The following DIP2C variants were observed in gnomAD, a reference collection of about 807,000 sequenced individuals.
DIP2C encodes DIP2 acetate--CoA ligase C (putative).
In DIP2C, 33 loss-of-function variants were observed where a neutral mutation model predicts 192.4. That is an observed-to-expected ratio of 0.17 (90% CI 0.13 to 0.23). The LOEUF is 0.23. DIP2C is among the 10% of genes least tolerant of loss of function. The probability of loss-of-function intolerance (pLI) is 1.00; values close to 1 mark genes in which losing one functional copy is unlikely to be tolerated. For synonymous variants in DIP2C, 979 were observed against 864.1 expected, an observed-to-expected ratio of 1.13 and a Z score of -2.33; for missense variants, 1,537 against 2,110.1, an observed-to-expected ratio of 0.73 and a Z score of 5.32.
chr10:607,225 G>A (rs1346682664), intron 1 of DIP2C, among the ~76,000 whole-genome samples: 2 of 152,200 alleles, frequency 1.3e-5, no homozygotes, highest in African/African-American at 2.4e-5. Context: ...AGACACCAGT[G>A]AGAACTGACC....
chr10:553,882 AAT>A (rs1848708734), intron 1 of DIP2C, among the ~76,000 whole-genome samples: 1 of 152,158 alleles, frequency 6.6e-6, no homozygotes, highest in African/African-American at 2.4e-5. Context: ...ACAGGCAAGA[AAT>A]ATACCTCATA....
At chr10:341,976 C>G (rs1958169579) in intron 28 of DIP2C, among the ~76,000 whole-genome samples, 3 of 152,218 alleles carry the variant, frequency 2.0e-5, no homozygotes, top group Admixed American at 6.5e-5. Flanking sequence ...ACAACTGTCA[C>G]CAAGCTGGGC....
chr10:543,549 T>C (rs938228466), intron 1 of DIP2C, among the ~76,000 whole-genome samples: 2 of 152,148 alleles, frequency 1.3e-5, no homozygotes, highest in African/African-American at 4.8e-5. Flanking sequence ...GGTTGTTACG[T>C]GAGATAGAAA....
In DIP2C at chr10:583,272, G is replaced by A. The variant is rs192457190; in HGVS notation, c.86-96742C>T. On this transcript the variant is annotated intron_variant, in intron 1 of 36. Coordinates refer to ENST00000280886, the MANE Select transcript of DIP2C (RefSeq NM_014974.3). ...AGCAAACACGGCATATCACTAAAGC[G>A]CAAAGGAGAACGGAGCACCTCTCTT... Among the ~76,000 whole-genome samples, 471 of 152,368 alleles carry A rather than the reference G, an allele frequency of 3.1e-3. 1 individual carries two copies. The highest frequency in any genetic ancestry group is 0.011 in the African/African-American group (451 of 41,576).
intron 3 of DIP2C, among the ~76,000 whole-genome samples, chr10:449,920 CAAAAAAA>C (rs59135780): frequency 0.04 from 5,427 of 135,942 alleles, 194 homozygotes; most frequent in African/African-American, 0.11. Flanking sequence ...TCAACAACAA[CAAAAAAA>C]AAAAAAAAAG....
intron 2 of DIP2C, among the ~76,000 whole-genome samples, chr10:483,075 C>G (rs1354078956): frequency 6.6e-6 from 1 of 152,208 alleles, no homozygotes; most frequent in Non-Finnish European, 1.5e-5. Context: ...ACTGGAGGCC[C>G]CGACAGACGC....
At chr10:567,574 T>C (rs562087569) in intron 1 of DIP2C, among the ~76,000 whole-genome samples, 48 of 152,326 alleles carry the variant, frequency 3.2e-4, no homozygotes, top group African/African-American at 1.1e-3. Flanking sequence ...CATCTGAATA[T>C]TTCTGCCAAA....
At chr10:386,742 C>T (rs1195108794) in intron 14 of DIP2C, among the ~76,000 whole-genome samples, 1 of 152,240 alleles carries the variant, frequency 6.6e-6, no homozygotes, top group African/African-American at 2.4e-5. Context: ...ATGCCCATCA[C>T]TCATGTGACA....
At chr10:634,488 G>A (rs2124585) in intron 1 of DIP2C, among the ~76,000 whole-genome samples, 81,776 of 152,068 alleles carry the variant, frequency 0.54, 23,709 homozygotes, top group East Asian at 0.74. Context: ...AGTTTCTGCC[G>A]TGGCTGATGA....
intron 16 of DIP2C, 124 bp from the exon 17 acceptor site, chr10:382,885 A>T (rs915785645): frequency 7.3e-6 from 4 of 551,128 alleles, no homozygotes; most frequent in Admixed American, 3.7e-5. Flanking sequence ...GCGTGGAAAA[A>T]TATTTAATAC....
intron 3 of DIP2C, among the ~76,000 whole-genome samples, chr10:463,485 G>C (rs1589850947): frequency 6.6e-6 from 1 of 152,148 alleles, no homozygotes; most frequent in Non-Finnish European, 1.5e-5. Context: ...ACTGCTCAAG[G>C]AAAGAAGAGA....
chr10:420,189 A>C (rs1966086681), intron 5 of DIP2C, among the ~76,000 whole-genome samples: 1 of 152,242 alleles, frequency 6.6e-6, no homozygotes, highest in Admixed American at 6.5e-5. Context: ...CCGTGCCCGG[A>C]GGCCGTCTAG....
At chr10:349,957 T>C (rs1020044557) in intron 24 of DIP2C, among the ~76,000 whole-genome samples, 3 of 152,184 alleles carry the variant, frequency 2.0e-5, no homozygotes, top group Non-Finnish European at 4.4e-5. Flanking sequence ...AAAAGAACTA[T>C]CAAACGCATT....
intron 1 of DIP2C, among the ~76,000 whole-genome samples, chr10:530,661 A>C (rs1389281281): frequency 1.3e-5 from 2 of 151,442 alleles, no homozygotes; most frequent in African/African-American, 2.4e-5. Flanking sequence ...CTTAAAAAAA[A>C]AAAAAAAAAA....
intron 14 of DIP2C, 115 bp downstream of exon 14, chr10:387,630 G>C: frequency 1.1e-6 from 1 of 887,542 alleles, no homozygotes; most frequent in East Asian, 2.4e-5. Context: ...AGACAGTGTG[G>C]GGAGGGGACT....
intron 1 of DIP2C, among the ~76,000 whole-genome samples, chr10:527,921 C>G (rs1847151783): frequency 6.6e-6 from 1 of 152,242 alleles, no homozygotes; most frequent in Admixed American, 6.5e-5. Context: ...GCCACGGCTA[C>G]ACTTTACTCC....
At position 314,635 on chromosome 10, in the gene DIP2C, C is replaced by T. The variant is rs61837288; in HGVS notation, c.3925-4543G>A. Among the ~76,000 whole-genome samples, 717 of 152,270 alleles carry T rather than the reference C, an allele frequency of 4.7e-3. 2 individuals carry two copies. Among genetic ancestry groups the T allele is most frequent in the Non-Finnish European group, 7.9e-3 (538 of 68,024 alleles). On this transcript the variant is annotated intron_variant, in intron 31 of 36. Transcript: ENST00000280886. The stretch of plus-strand genomic sequence containing the variant: ...GGCATCAGGACGAGGCTGGGTCTGG[C>T]GATACGAGTCCCTCTGTGCTCGTCT...
At chr10:278,608 T>TGGGC (rs1954649981) in intron 36 of DIP2C, among the ~76,000 whole-genome samples, 1 of 152,228 alleles carries the variant, frequency 6.6e-6, no homozygotes, top group Non-Finnish European at 1.5e-5. Flanking sequence ...GCACTGAGCA[T>TGGGC]GGGCTGGCTG....
intron 7 of DIP2C, among the ~76,000 whole-genome samples, chr10:414,742 C>CGTGTGT (rs1564679999): frequency 0.023 from 2,534 of 112,494 alleles, 159 homozygotes; most frequent in Non-Finnish European, 0.03. Flanking sequence ...TGTGTGTGTA[C>CGTGTGT]ATATATATAT....
Sources: gnomAD v4.1 joint callset for allele counts (sites outside exome capture counted in the v4.1 genomes callset) on GRCh38, gnomAD v4.1.1 for gene constraint, MANE v1.5 for transcripts, NCBI Gene and HGNC (gene_info 2026-07-23, HGNC 2026-07-21) for gene names.